HAUS6: variants seen among roughly 807,000 people sequenced by gnomAD.
HAUS6 encodes the protein HAUS augmin like complex subunit 6.
Under a neutral mutation model 106.8 loss-of-function variants are expected in HAUS6, and 80 were observed. The ratio of observed to expected loss-of-function variants is 0.75; its 90% CI spans 0.63 to 0.90. HAUS6 has a LOEUF of 0.90. Among genes scored for constraint, HAUS6 ranks in the 40% least tolerant of loss-of-function variants. The probability of loss-of-function intolerance (pLI) is 0.00; values close to 1 mark genes in which losing one functional copy is unlikely to be tolerated. For synonymous variants in HAUS6, 356 were observed against 379.1 expected (o/e 0.94, Z 0.71); for missense variants, 1,155 against 1,118.1 (o/e 1.03, Z -0.47).
intron 14 of HAUS6, among the ~76,000 whole-genome samples, chr9:19,062,266 TCA>T (rs1322645251): frequency 1.3e-5 from 2 of 152,130 alleles, no homozygotes; most frequent in African/African-American, 4.8e-5. Flanking sequence ...AAACCTATGC[TCA>T]GTGATAATGA....
intron 11 of HAUS6, among the ~76,000 whole-genome samples, chr9:19,075,820 G>A (rs1836987243): frequency 1.3e-5 from 2 of 152,008 alleles, no homozygotes; most frequent in African/African-American, 4.8e-5. Context: ...AGCCAGGTGT[G>A]GTGGCGCATA....
At position 19,053,773 on chromosome 9, in the gene HAUS6, A is replaced by G. The variant is rs1836409380; in HGVS notation, c.*2570T>C. On this transcript the variant is annotated 3_prime_UTR_variant, in exon 17 of 17. Transcript: ENST00000380502. Reference sequence around the variant, plus strand: ...ATTAGCCCTCTTTACCATTTATTCCATGATATAGGAGGCAAACAAAACAAT... The same window carrying G: ...ATTAGCCCTCTTTACCATTTATTCCGTGATATAGGAGGCAAACAAAACAAT... The G allele has an allele frequency of 6.6e-6, 1 of 152,168 alleles. No homozygotes were observed. The highest frequency in any genetic ancestry group is 1.5e-5 in the Non-Finnish European group (1 of 67,996). 9.4% of individuals were successfully genotyped at this position (152,168 alleles called of 1,614,324 possible).
intron 2 of HAUS6, among the ~76,000 whole-genome samples, chr9:19,095,905 G>T (rs1817851089): frequency 6.6e-6 from 1 of 152,026 alleles, no homozygotes; most frequent in South Asian, 2.1e-4. Flanking sequence ...TAAAGCAATT[G>T]ATGCTTTAAT....
rs1191161392 is a variant in HAUS6 at position 19,070,370 on chromosome 9, A to C, written c.1295-70T>G. 8 of 864,824 alleles carry C rather than the reference A, an allele frequency of 9.3e-6. No homozygotes were observed. In the East Asian group the frequency reaches 2.0e-4, roughly 22 times the overall value. 53.6% of individuals were successfully genotyped at this position (864,824 alleles called of 1,614,324 possible). On this transcript the variant is annotated intron_variant, in intron 11 of 16. Transcript: ENST00000380502. ...ATTCTAACATTCAAGGATTCCTTGA[A>C]ATTCGAGAACAACTTGTAAACAGAA...
rs1048637588 is a variant in HAUS6, at chr9:19,102,887, G to A, written c.-236C>T. 5.1e-6 allele frequency: 2 copies of A among 391,778 alleles called. No homozygotes were observed. Among genetic ancestry groups the A allele is most frequent in the Non-Finnish European group, 9.2e-6 (2 of 216,450 alleles). The allele number at this position is 391,778 out of a possible 1,614,324, so 24.3% of individuals were successfully genotyped here. On this transcript the variant is annotated 5_prime_UTR_variant, in exon 1 of 17. Transcript: ENST00000380502. The stretch of plus-strand genomic sequence containing the variant: ...TGCCTCAGCGAAGCCACCACAAACC[G>A]AGACTCCCGCCCTTAAGGAAGAGCA...
intron 5 of HAUS6, among the ~76,000 whole-genome samples, chr9:19,087,528 A>G (rs1469767303): frequency 1.3e-5 from 2 of 152,184 alleles, no homozygotes; most frequent in African/African-American, 4.8e-5. Context: ...AGCATTCTAC[A>G]AAGTTATCCT....
chr9:19,087,038 T>C (rs1186368734), intron 6 of HAUS6, 53 bp downstream of exon 6: 4 of 832,014 alleles, frequency 4.8e-6, no homozygotes, highest in South Asian at 1.4e-5. Context: ...GCCTGTAAAA[T>C]GCAAGAGCTA....
chr9:19,079,075 A>G (rs1220728831), intron 9 of HAUS6, among the ~76,000 whole-genome samples: 1 of 149,678 alleles, frequency 6.7e-6, no homozygotes, highest in Non-Finnish European at 1.5e-5. Context: ...GAGGCAGGAG[A>G]ATCACTTGAA....
chr9:19,086,148 C>T (rs1837290238), intron 7 of HAUS6, among the ~76,000 whole-genome samples: 1 of 150,526 alleles, frequency 6.6e-6, no homozygotes, highest in African/African-American at 2.4e-5. Context: ...CCTATCTCTA[C>T]AAAAATACAA....
intron 9 of HAUS6, among the ~76,000 whole-genome samples, chr9:19,079,362 G>C (rs938811777): frequency 2.6e-5 from 4 of 151,006 alleles, no homozygotes; most frequent in African/African-American, 4.9e-5. Flanking sequence ...CTACTAAGTA[G>C]CTGGGATTAC....
At chr9:19,097,629 A>T (rs1018622817) in intron 1 of HAUS6, among the ~76,000 whole-genome samples, 1 of 152,176 alleles carries the variant, frequency 6.6e-6, no homozygotes, top group African/African-American at 2.4e-5. Flanking sequence ...TGGAGAAAGC[A>T]CTGATTTGAA....
At position 19,080,473 on chromosome 9, in the gene HAUS6, G is replaced by A. The variant is rs200322229; in HGVS notation, c.1064+6C>T. On this transcript the variant is annotated splice_donor_region_variant and intron_variant, in intron 9 of 16. Transcript: ENST00000380502. ...CACAGTAAAATAACAGATCTTTTTA[G>A]TGTACCTCATATGTTTCAGATCTGA... The A allele has an allele frequency of 8.9e-6, 14 of 1,579,528 alleles. No homozygotes were observed. Among genetic ancestry groups the A allele is most frequent in the Non-Finnish European group, 1.1e-5 (13 of 1,150,756 alleles).
chr9:19,080,792 A>G (rs1010846506), intron 8 of HAUS6, 120 bp from the exon 9 acceptor site: 45 of 629,322 alleles, frequency 7.2e-5, no homozygotes, highest in Admixed American at 5.0e-4. Flanking sequence ...GAAAGGCCAG[A>G]CGCAACGGCT....
Position 19,053,145 on chromosome 9 carries a change from G to A in HAUS6, c.*3198C>T, listed in dbSNP as rs1327508004. ...ATATAGGAAATTCCAGAGCCAGATAGTATAAAATATTTATTGAAAACAACA... is the reference window on the plus strand; with the variant it reads ...ATATAGGAAATTCCAGAGCCAGATAATATAAAATATTTATTGAAAACAACA... On this transcript the variant is annotated 3_prime_UTR_variant, in exon 17 of 17. Transcript: ENST00000380502. 1.3e-5 allele frequency: 2 copies of A among 152,090 alleles called. No individual in the cohort carries two copies. The highest frequency in any genetic ancestry group is 3.2e-3 in the Middle Eastern group (1 of 316). The allele number at this position is 152,090 out of a possible 1,614,324, so 9.4% of individuals were successfully genotyped here. A position where few individuals can be genotyped will look rare whatever the true frequency, so the allele number is the denominator to read the frequency against.
intron 11 of HAUS6, among the ~76,000 whole-genome samples, chr9:19,071,054 C>T (rs1836872521): frequency 6.6e-6 from 1 of 152,198 alleles, no homozygotes; most frequent in African/African-American, 2.4e-5. Flanking sequence ...CGACCTCTTT[C>T]ATCATGTTAC....
chr9:19,062,601 G>A (rs950650311), intron 14 of HAUS6, among the ~76,000 whole-genome samples: 2 of 152,088 alleles, frequency 1.3e-5, no homozygotes, highest in African/African-American at 4.8e-5. Flanking sequence ...CATATTACCC[G>A]AGGTAATCAA....
intron 11 of HAUS6, among the ~76,000 whole-genome samples, chr9:19,072,827 G>A (rs2131119277): frequency 6.6e-6 from 1 of 152,032 alleles, no homozygotes; most frequent in East Asian, 1.9e-4. Flanking sequence ...CATAGTAATT[G>A]TTAAAAACAA....
intron 11 of HAUS6, among the ~76,000 whole-genome samples, chr9:19,073,351 C>T (rs1283298809): frequency 2.6e-5 from 4 of 151,050 alleles, no homozygotes; most frequent in East Asian, 1.9e-4. Context: ...TATAGGAAGG[C>T]GGAAAAGGTT....
chr9:19,096,835 G>T, intron 1 of HAUS6, 66 bp from the exon 2 acceptor site: 1 of 713,290 alleles, frequency 1.4e-6, no homozygotes, highest in Non-Finnish European at 2.3e-6. Context: ...ATCATCAAAA[G>T]CTGAGTAAGA....
Sources: gnomAD v4.1 joint callset for allele counts (sites outside exome capture counted in the v4.1 genomes callset) on GRCh38, gnomAD v4.1.1 for gene constraint, MANE v1.5 for transcripts, NCBI Gene and HGNC (gene_info 2026-07-23, HGNC 2026-07-21) for gene names.